SLC71A2: variants seen among roughly 807,000 people sequenced by gnomAD.
The protein encoded by SLC71A2 is hippocampus abundant transcript-like 1.
chr9:94,435,891 TCCGCCCGC>T, the SLC71A2 span, among the ~76,000 whole-genome samples: 1 of 152,018 alleles, frequency 6.6e-6, no homozygotes, highest in Non-Finnish European at 1.5e-5. Flanking sequence ...CCTCAGGTGA[TCCGCCCGC>T]CTCAACCTCC....
the SLC71A2 span, chr9:94,445,219 GTCTT>G: frequency 2.7e-5 from 40 of 1,503,458 alleles, no homozygotes; most frequent in Non-Finnish European, 3.5e-5. Flanking sequence ...TTTCCTAAAT[GTCTT>G]TCTAAGCCAA....
At chr9:94,457,561 G>A in the SLC71A2 span, among the ~76,000 whole-genome samples, 1 of 152,012 alleles carries the variant, frequency 6.6e-6, no homozygotes, top group Middle Eastern at 3.2e-3. Flanking sequence ...CAGTAACTCA[G>A]TTGGTTTGCA....
At chr9:94,458,979 C>T in the SLC71A2 span, among the ~76,000 whole-genome samples, 1 of 152,162 alleles carries the variant, frequency 6.6e-6, no homozygotes, top group East Asian at 1.9e-4. Context: ...TAATTAGTTG[C>T]CCTTTGTCAT....
chr9:94,397,487 GAA>G, the SLC71A2 span, among the ~76,000 whole-genome samples: 6 of 145,960 alleles, frequency 4.1e-5, no homozygotes, highest in East Asian at 4.0e-4. Flanking sequence ...AGAGTGTTTG[GAA>G]AAAAAAAAAG....
the SLC71A2 span, among the ~76,000 whole-genome samples, chr9:94,442,296 A>G: frequency 1.3e-5 from 2 of 152,186 alleles, no homozygotes; most frequent in East Asian, 3.9e-4. Context: ...GGTTACTACT[A>G]TTCCACAAAA....
the SLC71A2 span, among the ~76,000 whole-genome samples, chr9:94,447,328 C>T: frequency 1.3e-5 from 2 of 151,672 alleles, no homozygotes; most frequent in Non-Finnish European, 2.9e-5. Flanking sequence ...TACAGGCGTG[C>T]ACTACCATGC....
chr9:94,457,784 A>G, the SLC71A2 span, among the ~76,000 whole-genome samples: 2 of 152,214 alleles, frequency 1.3e-5, no homozygotes, highest in African/African-American at 2.4e-5. Context: ...ATATACTACC[A>G]TTTTTGATTT....
At chr9:94,440,838 A>T in the SLC71A2 span, 5 of 426,972 alleles carry the variant, frequency 1.2e-5, no homozygotes, top group Admixed American at 7.9e-5. Flanking sequence ...TCTTAACTTA[A>T]ATTTTTTTTG....
At chr9:94,451,589 C>A in the SLC71A2 span, 2 of 834,828 alleles carry the variant, frequency 2.4e-6, no homozygotes, top group Non-Finnish European at 3.8e-6. Context: ...CATAGTTTCA[C>A]AGGAAGCCAC....
the SLC71A2 span, among the ~76,000 whole-genome samples, chr9:94,411,681 C>T: frequency 2.0e-5 from 3 of 151,864 alleles, 1 homozygote; most frequent in South Asian, 4.2e-4. Context: ...ACCTCCTCCT[C>T]CTAGGTTCAA....
chr9:94,435,650 C>CTTTTTTTT, the SLC71A2 span, among the ~76,000 whole-genome samples: 4 of 48,398 alleles, frequency 8.3e-5, no homozygotes, highest in Admixed American at 3.0e-4. Context: ...TTTCCTTCTT[C>CTTTTTTTT]TTTTTTTTTT....
chr9:94,374,884 T>A, the SLC71A2 span: 1 of 1,231,230 alleles, frequency 8.1e-7, no homozygotes. Flanking sequence ...GCGGGAGCCA[T>A]GCCGGAGAAG....
At chr9:94,435,705 A>AGT in the SLC71A2 span, among the ~76,000 whole-genome samples, 2 of 130,910 alleles carry the variant, frequency 1.5e-5, no homozygotes, top group Non-Finnish European at 1.5e-5. Flanking sequence ...CCCAGGCTGG[A>AGT]GTGCAATGGC....
chr9:94,407,410 G>T, the SLC71A2 span, among the ~76,000 whole-genome samples: 1 of 146,510 alleles, frequency 6.8e-6, no homozygotes, highest in Non-Finnish European at 1.5e-5. Flanking sequence ...ATGGAGTCTT[G>T]CTCTGTCACC....
At chr9:94,396,111 G>A in the SLC71A2 span, among the ~76,000 whole-genome samples, 1 of 151,780 alleles carries the variant, frequency 6.6e-6, no homozygotes, top group African/African-American at 2.4e-5. Flanking sequence ...CCTCTGCTCA[G>A]GCAAGTCATG....
the SLC71A2 span, among the ~76,000 whole-genome samples, chr9:94,438,916 G>A: frequency 6.6e-6 from 1 of 151,932 alleles, no homozygotes; most frequent in Non-Finnish European, 1.5e-5. Context: ...ATCGCTGTGG[G>A]GCACTGACAC....
chr9:94,406,845 G>C, the SLC71A2 span, among the ~76,000 whole-genome samples: 2 of 151,814 alleles, frequency 1.3e-5, no homozygotes, highest in South Asian at 2.1e-4. Context: ...TGTCATCAGC[G>C]AACAGAGATA....
At chr9:94,394,488 C>T in the SLC71A2 span, among the ~76,000 whole-genome samples, 6 of 92,334 alleles carry the variant, frequency 6.5e-5, 1 homozygote, top group South Asian at 7.5e-4. Context: ...CGCTCTGTCA[C>T]CCAGGTTAGC....
the SLC71A2 span, among the ~76,000 whole-genome samples, chr9:94,381,497 T>C: frequency 6.6e-6 from 1 of 152,244 alleles, no homozygotes; most frequent in Non-Finnish European, 1.5e-5. Context: ...AGTCCATTTG[T>C]GGATGAACCA....
Sources: allele counts gnomAD v4.1 joint callset (sites outside exome capture counted in the v4.1 genomes callset), GRCh38; gene constraint gnomAD v4.1.1; transcripts MANE v1.5; gene names NCBI Gene and HGNC (gene_info 2026-07-23, HGNC 2026-07-21).